Variants in KIAA0319L observed in about 807,000 individuals in gnomAD.
KIAA0319L encodes the protein dyslexia-associated protein KIAA0319-like protein.
Under a neutral mutation model 120.1 loss-of-function variants are expected in KIAA0319L, and 55 were observed. The observed-to-expected ratio is 0.46, with a 90% CI of 0.37 to 0.57. KIAA0319L has a LOEUF of 0.57. Ranked by LOEUF, KIAA0319L falls within the 20% of genes least tolerant of loss-of-function variation. The probability of loss-of-function intolerance (pLI) is 0.00; values close to 1 mark genes in which losing one functional copy is unlikely to be tolerated. For missense variants in KIAA0319L, 1,049 were observed against 1,255.3 expected (o/e 0.84, Z 2.48); for synonymous variants, 398 against 471.9 (o/e 0.84, Z 2.03).
intron 4 of KIAA0319L, among the ~76,000 whole-genome samples, chr1:35,477,153 A>C (rs76824688): frequency 4.6e-5 from 7 of 152,246 alleles, no homozygotes; most frequent in South Asian, 2.1e-4. Context: ...GACAACCCAC[A>C]GAATGGGAGA....
intron 2 of KIAA0319L, among the ~76,000 whole-genome samples, chr1:35,531,592 G>T (rs1259625311): frequency 1.3e-5 from 2 of 152,174 alleles, no homozygotes; most frequent in African/African-American, 4.8e-5. Context: ...CAGTATCAGG[G>T]CCCACAAGGG....
chr1:35,506,072 C>T lies in KIAA0319L; in HGVS notation c.666+540G>A, dbSNP rs1253844580. On this transcript the variant is annotated intron_variant, in intron 3 of 20. Transcript: ENST00000325722. The surrounding 1 kb of genome is among the most constrained non-coding windows in gnomAD (Gnocchi z 4.0). ...AATAAACTCTACTGGTGGTATCTCC[C>T]TTGGCATATACAGCTTGGTGAGAAT... Among the ~76,000 whole-genome samples the T allele has an allele frequency of 6.6e-6, 1 of 152,194 alleles. No homozygotes were observed. Among genetic ancestry groups the T allele is most frequent in the African/African-American group, 2.4e-5 (1 of 41,438 alleles).
intron 7 of KIAA0319L, 129 bp downstream of exon 7, chr1:35,466,479 T>C (rs1643270964): frequency 4.7e-6 from 3 of 643,074 alleles, no homozygotes; most frequent in South Asian, 1.9e-5. Context: ...ATTCACCACA[T>C]TGAACTAGGA....
intron 2 of KIAA0319L, among the ~76,000 whole-genome samples, chr1:35,542,304 T>C (rs1646823783): frequency 1.3e-5 from 2 of 152,340 alleles, no homozygotes; most frequent in Non-Finnish European, 2.9e-5. Context: ...ATGGAAAGTA[T>C]GTTTCAGTAA....
chr1:35,452,569 A>G (rs1268384801), intron 12 of KIAA0319L, among the ~76,000 whole-genome samples: 1 of 152,258 alleles, frequency 6.6e-6, no homozygotes, highest in Non-Finnish European at 1.5e-5. Flanking sequence ...CCTGAAGCAC[A>G]GTCTCCTTCA....
chr1:35,462,545 A>T (rs1448947413), intron 8 of KIAA0319L, 76 bp downstream of exon 8: 12 of 1,261,688 alleles, frequency 9.5e-6, no homozygotes, highest in Admixed American at 5.2e-5. Flanking sequence ...GCTGGCCCCA[A>T]ATCTTCTACT....
At position 35,465,449 on chromosome 1, in the gene KIAA0319L, C is replaced by T. The variant is rs370252187; in HGVS notation, c.1201+1159G>A. The stretch of plus-strand genomic sequence containing the variant: ...TTTGGCCAAATTCTCCCATTTGGAA[C>T]GGCTATATTTATCCAAGCCTGTACC... On this transcript the variant is annotated intron_variant, in intron 7 of 20. Transcript: ENST00000325722. Among the ~76,000 whole-genome samples the T allele has an allele frequency of 1.0e-3, 159 of 152,274 alleles. 6 individuals are homozygous for T. Among genetic ancestry groups the T allele is most frequent in the African/African-American group, 1.0e-3 (42 of 41,542 alleles).
intron 7 of KIAA0319L, 37 bp from the exon 8 acceptor site, chr1:35,462,750 G>A (rs762539380): frequency 1.3e-6 from 2 of 1,503,726 alleles, no homozygotes; most frequent in Non-Finnish European, 1.9e-6. Flanking sequence ...TGGGAAAGAG[G>A]CTTCAGAAAT....
intron 2 of KIAA0319L, among the ~76,000 whole-genome samples, chr1:35,544,799 C>G (rs150467772): frequency 6.6e-6 from 1 of 152,122 alleles, no homozygotes; most frequent in African/African-American, 2.4e-5. Context: ...ACCGTCCTGC[C>G]GTAAACAACT....
At chr1:35,466,147 G>A (rs144635697) in intron 7 of KIAA0319L, among the ~76,000 whole-genome samples, 6 of 152,288 alleles carry the variant, frequency 3.9e-5, no homozygotes, top group African/African-American at 1.4e-4. Flanking sequence ...TTAAAAGAAT[G>A]ACATGATTTT....
chr1:35,501,071 T>C (rs945494762), intron 3 of KIAA0319L, among the ~76,000 whole-genome samples: 7 of 152,002 alleles, frequency 4.6e-5, no homozygotes, highest in African/African-American at 1.7e-4. Context: ...TCAATATTCC[T>C]CCCCTCATGT....
intron 2 of KIAA0319L, among the ~76,000 whole-genome samples, chr1:35,528,283 T>C (rs984884123): frequency 6.6e-6 from 1 of 152,180 alleles, no homozygotes; most frequent in African/African-American, 2.4e-5. Flanking sequence ...GGTCTCAATA[T>C]GTTGTCCAGA....
intron 2 of KIAA0319L, among the ~76,000 whole-genome samples, chr1:35,520,748 C>T (rs1280085229): frequency 1.3e-5 from 2 of 152,082 alleles, no homozygotes; most frequent in Non-Finnish European, 2.9e-5. Flanking sequence ...TTCATTCATC[C>T]ATTCAATAAG....
intron 9 of KIAA0319L, 34 bp from the exon 10 acceptor site, chr1:35,456,275 C>T (rs374765559): frequency 1.4e-5 from 20 of 1,381,752 alleles, no homozygotes; most frequent in East Asian, 4.7e-5. Flanking sequence ...TGATCAGGGA[C>T]GGGTTTAAGG....
chr1:35,450,453 TGGGTA>T lies in KIAA0319L; in HGVS notation c.2114_2118del (p.Leu705HisfsTer10). 2 of 1,614,132 alleles carry T rather than the reference TGGGTA, an allele frequency of 1.2e-6. No homozygotes were observed. Among genetic ancestry groups the T allele is most frequent in the Non-Finnish European group, 1.7e-6 (2 of 1,179,948 alleles). Reference sequence around the variant, plus strand: ...GAGCCATCCAGCTCTGCTGTGCTCGTGGGTAGGGTAATCACCACATTCCCAGTTAT... The same window carrying T: ...GAGCCATCCAGCTCTGCTGTGCTCGTGGGTAATCACCACATTCCCAGTTAT... On this transcript the variant is annotated frameshift_variant, in exon 14 of 21. Transcript: ENST00000325722. LOFTEE classifies it high-confidence loss of function.
chr1:35,483,019 T>C (rs1324104830), intron 3 of KIAA0319L, among the ~76,000 whole-genome samples: 1 of 152,236 alleles, frequency 6.6e-6, no homozygotes, highest in Non-Finnish European at 1.5e-5. Flanking sequence ...CATCTTTTTA[T>C]GTATTTATCG....
At chr1:35,526,605 T>G (rs1410795772) in intron 2 of KIAA0319L, among the ~76,000 whole-genome samples, 1 of 151,724 alleles carries the variant, frequency 6.6e-6, no homozygotes, top group Non-Finnish European at 1.5e-5. Flanking sequence ...ACCATCACCC[T>G]TGTCTAATTT....
chr1:35,450,460 G>A lies in KIAA0319L; in HGVS notation c.2112C>T (p.Thr704=). Residue 704 remains threonine, a synonymous_variant, in exon 14 of 21, where the codon ACC becomes ACT. Coordinates refer to ENST00000325722, the MANE Select transcript of KIAA0319L (RefSeq NM_024874.5). ...IAKITGNVVI[T]LPTSTAELDG... ...CCAGCTCTGCTGTGCTCGTGGGTAG[G>A]GTAATCACCACATTCCCAGTTATCT... The A allele has an allele frequency of 1.9e-6, 3 of 1,613,932 alleles. No homozygotes were observed. Among genetic ancestry groups the A allele is most frequent in the Non-Finnish European group, 2.5e-6 (3 of 1,179,864 alleles).
At chr1:35,532,270 C>CTGA (rs1163554857) in intron 2 of KIAA0319L, among the ~76,000 whole-genome samples, 1 of 151,526 alleles carries the variant, frequency 6.6e-6, no homozygotes, top group African/African-American at 2.4e-5. Context: ...AAGAGGTACT[C>CTGA]TGATCTCTCA....
Sources: gnomAD v4.1 joint callset for allele counts (sites outside exome capture counted in the v4.1 genomes callset) on GRCh38, gnomAD v4.1.1 for gene constraint, Gnocchi (gnomAD v3.1) non-coding constraint, MANE v1.5 for transcripts, NCBI Gene and HGNC (gene_info 2026-07-23, HGNC 2026-07-21) for gene names.